Variants in RIF1 observed in about 807,000 individuals in gnomAD.
The protein encoded by RIF1 is telomere-associated protein RIF1.
In RIF1, 45 loss-of-function variants were observed where a neutral mutation model predicts 247.1. The ratio of observed to expected loss-of-function variants is 0.18; its 90% CI spans 0.14 to 0.23. The LOEUF is 0.23. Among genes scored for constraint, RIF1 ranks in the 10% least tolerant of loss-of-function variants. The pLI is 1.00. For missense variants in RIF1, 2,967 were observed against 2,862.5 expected, an observed-to-expected ratio of 1.04 and a Z score of -0.83; for synonymous variants, 1,087 against 978.8, an observed-to-expected ratio of 1.11 and a Z score of -2.06.
downstream of RIF1, among the ~76,000 whole-genome samples, chr2:151,482,892 T>C (rs920773642): frequency 9.2e-5 from 14 of 152,126 alleles, no homozygotes; most frequent in Non-Finnish European, 1.9e-4. Context: ...AGCTTGGTGG[T>C]GTGCTGGCCA....
At chr2:151,459,224 C>T (rs189836066) in intron 25 of RIF1, among the ~76,000 whole-genome samples, 14 of 152,256 alleles carry the variant, frequency 9.2e-5, no homozygotes, top group African/African-American at 2.6e-4. Context: ...TAAGCCAGAG[C>T]TGCTGTTCAT....
At chr2:151,525,049 T>C in the RIF1 span, 1 of 826,972 alleles carries the variant, frequency 1.2e-6, no homozygotes, top group Non-Finnish European at 2.0e-6. Context: ...CCACTAACTT[T>C]TTGAAACTAC....
At chr2:151,455,328 A>G (rs2152457748) in intron 22 of RIF1, among the ~76,000 whole-genome samples, 169 bp downstream of exon 22, 1 of 152,342 alleles carries the variant, frequency 6.6e-6, no homozygotes, top group South Asian at 2.1e-4. Context: ...GTATAGAAAT[A>G]TGAGAGAGAA....
chr2:151,503,464 C>T (rs2066297759), intron 12 of RIF1: 1 of 1,510,184 alleles, frequency 6.6e-7, no homozygotes, highest in South Asian at 1.1e-5. Flanking sequence ...ATTAGAATAC[C>T]CAGAAAGGTA....
the RIF1 span, among the ~76,000 whole-genome samples, chr2:151,532,362 CATATT>C: frequency 3.0e-4 from 46 of 152,232 alleles, no homozygotes; most frequent in Non-Finnish European, 5.7e-4. Flanking sequence ...TTACTCATAA[CATATT>C]GTATTGAACA....
At chr2:151,486,237 G>A (rs537319618), downstream of RIF1, 5 of 266,646 alleles carry the variant, frequency 1.9e-5, no homozygotes, top group Admixed American at 2.0e-4. Context: ...TAGCCAAAAA[G>A]CACACAAAAG....
At chr2:151,522,496 CTG>C in the RIF1 span, among the ~76,000 whole-genome samples, 1 of 152,238 alleles carries the variant, frequency 6.6e-6, no homozygotes, top group Non-Finnish European at 1.5e-5. Flanking sequence ...GAGTCCATCT[CTG>C]AGTCTAGTCT....
downstream of RIF1, among the ~76,000 whole-genome samples, chr2:151,509,732 A>G (rs1270946729): frequency 1.3e-5 from 2 of 152,108 alleles, no homozygotes; most frequent in East Asian, 3.8e-4. Flanking sequence ...GGTTCAAGCA[A>G]TTCTCCTGCC....
intron 3 of RIF1, among the ~76,000 whole-genome samples, chr2:151,412,526 C>T (rs920588995): frequency 1.4e-4 from 22 of 152,094 alleles, no homozygotes; most frequent in Admixed American, 7.2e-4. Flanking sequence ...CTTGCTGTGT[C>T]GCCCGTGCTG....
chr2:151,420,525 C>G, intron 7 of RIF1, 146 bp downstream of exon 7: 1 of 693,196 alleles, frequency 1.4e-6, no homozygotes, highest in Non-Finnish European at 2.4e-6. Flanking sequence ...TGCTTGAGGC[C>G]AGGAGTTCCA....
intron 3 of RIF1, among the ~76,000 whole-genome samples, chr2:151,411,702 C>T (rs146223898): frequency 4.4e-4 from 67 of 152,228 alleles, no homozygotes; most frequent in African/African-American, 1.6e-3. Context: ...TGTCCAGCCA[C>T]TTTTGGTGGT....
At chr2:151,435,917 T>C (rs958381351) in intron 11 of RIF1, among the ~76,000 whole-genome samples, 4 of 152,050 alleles carry the variant, frequency 2.6e-5, no homozygotes, top group Non-Finnish European at 5.9e-5. Flanking sequence ...AACCAGAATC[T>C]TAGCGCTATT....
chr2:151,447,869 GT>G (rs969719843), intron 20 of RIF1, among the ~76,000 whole-genome samples: 47 of 152,156 alleles, frequency 3.1e-4, no homozygotes, highest in Admixed American at 1.2e-3. Flanking sequence ...AGGACATTTT[GT>G]TTTTTTCTAT....
intron 34 of RIF1, among the ~76,000 whole-genome samples, chr2:151,473,518 G>T (rs976995148): frequency 9.9e-5 from 15 of 151,950 alleles, no homozygotes; most frequent in African/African-American, 3.4e-4. Flanking sequence ...GACCTCAAGT[G>T]ATCTACCCAC....
In RIF1 at chr2:151,476,845, A is replaced by G. The variant is rs533933124; in HGVS notation, c.*1774A>G. ...AACAGGTATGAATAAGCAGCTATGTATATGTGTTTGGGGCAGAGGGGAGCA... is the reference window on the plus strand; with the variant it reads ...AACAGGTATGAATAAGCAGCTATGTGTATGTGTTTGGGGCAGAGGGGAGCA... On this transcript the variant is annotated 3_prime_UTR_variant, in exon 36 of 36. Transcript: ENST00000444746. 14 of 152,340 alleles carry G rather than the reference A, an allele frequency of 9.2e-5. No individual in the cohort carries two copies. The East Asian group carries it at 2.1e-3, about 23-fold the overall frequency. 9.4% of individuals were successfully genotyped at this position (152,340 alleles called of 1,614,324 possible).
chr2:151,503,325 C>T, intron 12 of RIF1: 1 of 1,521,540 alleles, frequency 6.6e-7, no homozygotes, highest in Non-Finnish European at 9.1e-7. Context: ...GAAATAGTTT[C>T]TTATATGATA....
At chr2:151,451,497 TAC>T (rs1347369484) in intron 20 of RIF1, 107 bp from the exon 21 acceptor site, 1 of 661,436 alleles carries the variant, frequency 1.5e-6, no homozygotes, top group Non-Finnish European at 2.8e-6. Flanking sequence ...GCATGTGTGT[TAC>T]ATAGGATATA....
At chr2:151,442,054 T>TTTTATTTTATTTTATTTTATTTTAA (rs1692393788) in intron 16 of RIF1, 63 bp downstream of exon 16, 4 of 247,228 alleles carry the variant, frequency 1.6e-5, no homozygotes, top group African/African-American at 9.5e-5. Context: ...CCCTTTTTTA[T>TTTTATTTTATTTTATTTTATTTTAA]TTTATTTTAT....
the RIF1 span, chr2:151,526,924 T>C: frequency 1.3e-5 from 20 of 1,587,560 alleles, no homozygotes; most frequent in Non-Finnish European, 1.7e-5. Context: ...TTACATCACT[T>C]TCTATTAAAG....
Sources: gnomAD v4.1 joint callset for allele counts (sites outside exome capture counted in the v4.1 genomes callset) on GRCh38, gnomAD v4.1.1 for gene constraint, MANE v1.5 for transcripts, NCBI Gene and HGNC (gene_info 2026-07-23, HGNC 2026-07-21) for gene names.